ATP13A3: variants seen among roughly 807,000 people sequenced by gnomAD.
ATP13A3 encodes ATPase 13A3.
Under a neutral mutation model 158.1 loss-of-function variants are expected in ATP13A3, and 59 were observed. The ratio of observed to expected loss-of-function variants is 0.37; its 90% CI spans 0.30 to 0.46. The LOEUF is 0.46. ATP13A3 is among the 20% of genes least tolerant of loss of function. The pLI is 1.00. For synonymous variants in ATP13A3, 491 were observed against 504.3 expected, an observed-to-expected ratio of 0.97 and a Z score of 0.35; for missense variants, 1,166 against 1,525.2, an observed-to-expected ratio of 0.76 and a Z score of 3.92.
At chr3:194,436,805 C>A (rs568944411) in intron 20 of ATP13A3, among the ~76,000 whole-genome samples, 26 of 152,110 alleles carry the variant, frequency 1.7e-4, no homozygotes, top group Admixed American at 1.6e-3. Flanking sequence ...CCGAGACTTG[C>A]GCCACTGCGC....
intron 31 of ATP13A3, among the ~76,000 whole-genome samples, chr3:194,418,395 T>TTG (rs1242190383): frequency 6.6e-6 from 1 of 151,974 alleles, no homozygotes; most frequent in Admixed American, 6.6e-5. Context: ...GGAGAAGATA[T>TTG]TTATCACTAT....
At chr3:194,427,279 G>T in intron 28 of ATP13A3, 27 bp from the exon 29 acceptor site, 1 of 1,559,394 alleles carries the variant, frequency 6.4e-7, no homozygotes, top group East Asian at 2.2e-5. Context: ...AAGAGGAAAG[G>T]TTTGTATTTA....
chr3:194,453,905 T>A, intron 9 of ATP13A3, 127 bp from the exon 10 acceptor site: 1 of 710,282 alleles, frequency 1.4e-6, no homozygotes, highest in East Asian at 2.7e-5. Flanking sequence ...AAATGTCGAG[T>A]CAGAAATTCA....
At chr3:194,452,082 T>C (rs949297988) in intron 10 of ATP13A3, 2 of 152,352 alleles carry the variant, frequency 1.3e-5, no homozygotes, top group Non-Finnish European at 2.9e-5. Context: ...TGGCTATGCA[T>C]GGTGGCTCAT....
intron 29 of ATP13A3, among the ~76,000 whole-genome samples, chr3:194,426,352 T>G (rs1370292425): frequency 6.6e-6 from 1 of 152,230 alleles, no homozygotes; most frequent in Non-Finnish European, 1.5e-5. Context: ...CACGTTTAAT[T>G]AATTAAAATG....
Position 194,404,602 on chromosome 3 carries a change from G to C in ATP13A3, c.*1317C>G, listed in dbSNP as rs1339388183. ...AACTGTGGGCGTTGCCAGACTGCTGGATCCACCTATAAAAGGTGTTTTTTA... is the reference window on the plus strand; with the variant it reads ...AACTGTGGGCGTTGCCAGACTGCTGCATCCACCTATAAAAGGTGTTTTTTA... On this transcript the variant is annotated 3_prime_UTR_variant, in exon 34 of 34. Coordinates refer to ENST00000645319, the MANE Select transcript of ATP13A3 (RefSeq NM_001367549.1). The C allele has an allele frequency of 6.6e-6, 1 of 152,394 alleles. No individual in the cohort carries two copies. The highest frequency in any genetic ancestry group is 1.5e-5 in the Non-Finnish European group (1 of 68,198). 9.4% of individuals were successfully genotyped at this position (152,394 alleles called of 1,614,324 possible).
intron 21 of ATP13A3, among the ~76,000 whole-genome samples, chr3:194,433,123 C>A (rs1717347892): frequency 6.7e-6 from 1 of 148,366 alleles, no homozygotes; most frequent in Non-Finnish European, 1.5e-5. Context: ...GTACAGAAAA[C>A]AAATCTACAA....
intron 31 of ATP13A3, among the ~76,000 whole-genome samples, chr3:194,419,481 T>A (rs993879980): frequency 6.6e-6 from 1 of 152,188 alleles, no homozygotes. Flanking sequence ...TTCTTTTGTA[T>A]GAAAAACAAG....
Position 194,427,209 on chromosome 3 carries a change from T to A in ATP13A3, c.2991A>T (p.Pro997=). Residue 997 remains proline (P), a synonymous_variant, in exon 29 of 34, where the codon CCA becomes CCT. Coordinates refer to ENST00000645319, the MANE Select transcript of ATP13A3 (RefSeq NM_001367549.1). ...PAWKELVAQR[P]PSGLISGALL... is the part of the protein sequence containing the mutation. ...GGGCCCCAGATATAAGACCCGAAGG[T>A]GGTCTTTGTGCCACAAGTTCTTTCC... 1 of 1,609,728 alleles carries A rather than the reference T, an allele frequency of 6.2e-7. No individual in the cohort carries two copies. Among genetic ancestry groups the A allele is most frequent in the Admixed American group, 1.7e-5 (1 of 58,770 alleles).
At chr3:194,459,992 A>T (rs1312454584) in intron 4 of ATP13A3, 21 bp from the exon 5 acceptor site, 1 of 1,577,798 alleles carries the variant, frequency 6.3e-7, no homozygotes. Flanking sequence ...GAAAGGGATA[A>T]CGGTAAGGAG....
chr3:194,444,436 C>A (rs73071125), intron 15 of ATP13A3, among the ~76,000 whole-genome samples: 21,464 of 152,096 alleles, frequency 0.14, 2,759 homozygotes, highest in African/African-American at 0.34. Flanking sequence ...TACAGTATAT[C>A]ATTCATGGAT....
At chr3:194,462,627 G>A (rs1056794847) in intron 2 of ATP13A3, among the ~76,000 whole-genome samples, 15 of 152,202 alleles carry the variant, frequency 9.9e-5, no homozygotes, top group African/African-American at 3.6e-4. Context: ...AAAGGTTGGG[G>A]ACCACTGTTT....
In ATP13A3 at chr3:194,403,987, G is replaced by T. The variant is rs1460615250; in HGVS notation, c.*1932C>A. Reference sequence around the variant, plus strand: ...AGATGTTAAATACAATCGGATAATTGAATTTTTAAGCTGCTACTTAGCAAT... The same window carrying T: ...AGATGTTAAATACAATCGGATAATTTAATTTTTAAGCTGCTACTTAGCAAT... On this transcript the variant is annotated 3_prime_UTR_variant, in exon 34 of 34. Coordinates refer to ENST00000645319, the MANE Select transcript of ATP13A3 (RefSeq NM_001367549.1). The T allele has an allele frequency of 5.3e-6, 2 of 376,392 alleles. No individual in the cohort carries two copies. The highest frequency in any genetic ancestry group is 1.0e-5 in the Non-Finnish European group (2 of 191,778). The allele number at this position is 376,392 out of a possible 1,614,324, so 23.3% of individuals were successfully genotyped here.
chr3:194,444,767 T>A lies in ATP13A3; in HGVS notation c.1517A>T (p.Asp506Val). Residue 506 changes from aspartate (D) to valine (V), a missense_variant, in exon 15 of 34, where the codon GAT becomes GTT. Transcript: ENST00000645319. ...TTGAATCCCCCAAAGATCTAAACCA[T>A]CTTCAGTTAGAGTTCCAGTCTAAAA... Reference protein sequence around the residue: ...CFDKTGTLTEDGLDLWGIQRV... With the variant: ...CFDKTGTLTEVGLDLWGIQRV... 3 of 1,603,832 alleles carry A rather than the reference T, an allele frequency of 1.9e-6. No homozygotes were observed. Among genetic ancestry groups the A allele is most frequent in the Non-Finnish European group, 2.5e-6 (3 of 1,177,280 alleles).
At chr3:194,476,515 G>A (rs772161600) in intron 2 of ATP13A3, among the ~76,000 whole-genome samples, 1 of 152,112 alleles carries the variant, frequency 6.6e-6, no homozygotes, top group Non-Finnish European at 1.5e-5. Flanking sequence ...AGTCACCTTC[G>A]AACTCTTCCT....
At chr3:194,421,100 C>A in intron 30 of ATP13A3, among the ~76,000 whole-genome samples, 2 of 13,666 alleles carry the variant, frequency 1.5e-4, no homozygotes, top group Non-Finnish European at 1.4e-4. Context: ...TTTATATATA[C>A]CAGTGTGTAG....
chr3:194,433,729 T>G (rs746493563), intron 21 of ATP13A3, 43 bp downstream of exon 21: 2 of 1,608,700 alleles, frequency 1.2e-6, no homozygotes, highest in African/African-American at 2.7e-5. Flanking sequence ...ACTTCAGCTC[T>G]GTCACACTCC....
intron 10 of ATP13A3, among the ~76,000 whole-genome samples, chr3:194,453,250 G>T (rs1470059239): frequency 6.8e-6 from 1 of 147,036 alleles, no homozygotes; most frequent in African/African-American, 2.5e-5. Flanking sequence ...CTGCACTCAG[G>T]CCTGTGCAAC....
intron 30 of ATP13A3, among the ~76,000 whole-genome samples, chr3:194,422,060 T>C (rs750905104): frequency 2.0e-5 from 3 of 151,762 alleles, no homozygotes; most frequent in Admixed American, 6.6e-5. Context: ...ATCCCACCTC[T>C]AAAAATCTGC....
Sources: allele counts gnomAD v4.1 joint callset (sites outside exome capture counted in the v4.1 genomes callset), GRCh38; gene constraint gnomAD v4.1.1; transcripts MANE v1.5; gene names NCBI Gene and HGNC (gene_info 2026-07-23, HGNC 2026-07-21).